Variants in SPINK5 observed in about 807,000 individuals in gnomAD.
SPINK5 encodes the protein serine peptidase inhibitor Kazal type 5.
Under a neutral mutation model 151.8 loss-of-function variants are expected in SPINK5, and 125 were observed. That is an observed-to-expected ratio of 0.82 (90% CI 0.71 to 0.96). The LOEUF is 0.96. SPINK5 is among the 40% of genes least tolerant of loss of function. The probability of loss-of-function intolerance (pLI) is 0.00; values close to 1 mark genes in which losing one functional copy is unlikely to be tolerated. For missense variants in SPINK5, 1,194 were observed against 1,291.9 expected, an observed-to-expected ratio of 0.92 and a Z score of 1.16; for synonymous variants, 374 against 395.3, an observed-to-expected ratio of 0.95 and a Z score of 0.64.
At chr5:148,123,431 T>C (rs1047744378) in intron 26 of SPINK5, among the ~76,000 whole-genome samples, 1 of 112,050 alleles carries the variant, frequency 8.9e-6, no homozygotes, top group African/African-American at 3.3e-5. Flanking sequence ...TATAGATATA[T>C]ATTATCTATC....
chr5:148,117,188 T>A (rs1416907304), intron 22 of SPINK5, among the ~76,000 whole-genome samples: 1 of 152,192 alleles, frequency 6.6e-6, no homozygotes, highest in East Asian at 1.9e-4. Context: ...GGCCCAATAT[T>A]TACCTTTGAT....
chr5:148,118,961 G>A (rs759344642), intron 23 of SPINK5, 25 bp from the exon 24 acceptor site: 6 of 1,609,636 alleles, frequency 3.7e-6, no homozygotes, highest in Non-Finnish European at 4.3e-6. Flanking sequence ...TTAACAAGAT[G>A]AATATTCACT....
intron 18 of SPINK5, among the ~76,000 whole-genome samples, chr5:148,110,165 C>T (rs59220312): frequency 0.15 from 22,276 of 152,056 alleles, 2,146 homozygotes; most frequent in East Asian, 0.32. Context: ...ATTATTATTA[C>T]GTATATTATT....
At position 148,108,804 on chromosome 5, in the gene SPINK5, C is replaced by A. The variant is rs2303071; in HGVS notation, c.1659C>A (p.Val553=). 2 of 1,611,638 alleles carry A rather than the reference C, an allele frequency of 1.2e-6. No individual in the cohort carries two copies. Among genetic ancestry groups the A allele is most frequent in the Non-Finnish European group, 1.7e-6 (2 of 1,178,538 alleles). The change falls in exon 18 of 33, where the codon GTC becomes GTA. Residue 553 remains valine, a synonymous_variant. Transcript: ENST00000256084. ...ATGATAAAGAAGAAAAAGGGAAAGT[C>A]GAGGCTGAAAAAGTTAAGAGAGAAG... The part of the protein sequence containing the change: ...KKNDKEEKGK[V]EAEKVKREAV...
chr5:148,081,645 G>T (rs1753023593), intron 4 of SPINK5, among the ~76,000 whole-genome samples: 1 of 151,574 alleles, frequency 6.6e-6, no homozygotes, highest in African/African-American at 2.4e-5. Flanking sequence ...CAAGCACAGG[G>T]GAATCTCGTA....
At chr5:148,130,296 G>A (rs938664046) in intron 30 of SPINK5, among the ~76,000 whole-genome samples, 3 of 151,764 alleles carry the variant, frequency 2.0e-5, no homozygotes, top group Non-Finnish European at 2.9e-5. Flanking sequence ...TGAGTCATGA[G>A]TTATTTAGAA....
chr5:148,104,467 G>A (rs1753727595), intron 15 of SPINK5, among the ~76,000 whole-genome samples: 2 of 152,188 alleles, frequency 1.3e-5, no homozygotes, highest in Middle Eastern at 3.2e-3. Context: ...ATTCTCTTGA[G>A]GTAGAGTGAA....
In SPINK5 at chr5:148,120,058, G is replaced by A. The variant is rs1202179884; in HGVS notation, c.2363G>A (p.Cys788Tyr). Residue 788 changes from cysteine to tyrosine, a missense_variant, in exon 25 of 33, where the codon TGC (cysteine) becomes TAC (tyrosine). Coordinates refer to ENST00000256084, the MANE Select transcript of SPINK5 (RefSeq NM_006846.4). ...CAAATGAAAAATGGAAAACTCATCT[G>A]CACTCGAGAAAGTGACCCTGTCCGG... ...RSQMKNGKLI[C>Y]TRESDPVRGP... The A allele has an allele frequency of 1.9e-6, 3 of 1,614,022 alleles. No homozygotes were observed. The highest frequency in any genetic ancestry group is 2.5e-6 in the Non-Finnish European group (3 of 1,179,900).
chr5:148,104,753 G>A (rs527724659), intron 15 of SPINK5, among the ~76,000 whole-genome samples, 199 bp from the exon 16 acceptor site: 9 of 152,188 alleles, frequency 5.9e-5, no homozygotes, highest in South Asian at 4.2e-4. Context: ...AAACTTAGCC[G>A]AGTGTGGTGG....
At chr5:148,123,441 C>CTATATATATATATA (rs1416361269) in intron 26 of SPINK5, among the ~76,000 whole-genome samples, 4 of 65,374 alleles carry the variant, frequency 6.1e-5, no homozygotes, top group African/African-American at 1.6e-4. Flanking sequence ...TATTATCTAT[C>CTATATATATATATA]TATCTATATA....
intron 1 of SPINK5, 130 bp from the exon 2 acceptor site, chr5:148,065,217 C>T: frequency 1.1e-6 from 1 of 949,398 alleles, no homozygotes; most frequent in East Asian, 2.7e-5. Context: ...TTAATGTGTT[C>T]AAAAACCATT....
At chr5:148,084,543 C>T (rs1753103745) in intron 4 of SPINK5, among the ~76,000 whole-genome samples, 1 of 151,890 alleles carries the variant, frequency 6.6e-6, no homozygotes, top group East Asian at 1.9e-4. Context: ...CCCCTCTCTA[C>T]ACCTGTGACC....
intron 3 of SPINK5, among the ~76,000 whole-genome samples, chr5:148,070,789 C>A (rs1752717226): frequency 6.6e-6 from 1 of 152,026 alleles, no homozygotes; most frequent in Non-Finnish European, 1.5e-5. Context: ...AGTCAGATTC[C>A]TTGGGCCTGT....
intron 9 of SPINK5, among the ~76,000 whole-genome samples, chr5:148,095,490 T>G (rs1423594730): frequency 6.6e-6 from 1 of 152,006 alleles, no homozygotes; most frequent in Admixed American, 6.6e-5. Context: ...AACTGCTGTA[T>G]AAGAGAAGAC....
rs144084184 is a variant in SPINK5, at chr5:148,118,021, G to C, written c.2113-416G>C. On this transcript the variant is annotated intron_variant, in intron 22 of 32. Coordinates refer to ENST00000256084, the MANE Select transcript of SPINK5 (RefSeq NM_006846.4). ...AGACCTAGATGTTAGGGGTTTTTTT[G>C]TTTGTTTGTTTGTTTGAGATGGAGT... Among the ~76,000 whole-genome samples the C allele has an allele frequency of 2.6e-3, 390 of 152,016 alleles. 1 individual carries two copies. The highest frequency in any genetic ancestry group is 9.0e-3 in the African/African-American group (375 of 41,480).
At chr5:148,125,661 G>A (rs749059958) in intron 28 of SPINK5, 62 bp from the exon 29 acceptor site, 57 of 1,613,952 alleles carry the variant, frequency 3.5e-5, no homozygotes, top group Non-Finnish European at 4.5e-5. Context: ...AACCAAGTTT[G>A]AAGAAATCAC....
chr5:148,082,067 C>T (rs1284481262), intron 4 of SPINK5, among the ~76,000 whole-genome samples: 2 of 151,412 alleles, frequency 1.3e-5, no homozygotes, highest in African/African-American at 2.4e-5. Context: ...ATGCTTTCAT[C>T]GTATTAATGT....
intron 4 of SPINK5, among the ~76,000 whole-genome samples, chr5:148,074,332 C>G (rs1404413341): frequency 1.3e-5 from 2 of 151,772 alleles, no homozygotes; most frequent in African/African-American, 4.8e-5. Context: ...CAAAGTCTAA[C>G]TCCTTTTCTC....
intron 30 of SPINK5, among the ~76,000 whole-genome samples, chr5:148,128,521 C>CTTATTTAT (rs954677528): frequency 1.6e-4 from 25 of 151,786 alleles, no homozygotes; most frequent in African/African-American, 5.3e-4. Context: ...TATTTATTTA[C>CTTATTTAT]TTATTTATTT....
Sources: gnomAD v4.1 joint callset for allele counts (sites outside exome capture counted in the v4.1 genomes callset) on GRCh38, gnomAD v4.1.1 for gene constraint, MANE v1.5 for transcripts, NCBI Gene and HGNC (gene_info 2026-07-23, HGNC 2026-07-21) for gene names.